CALN1: variants seen among roughly 807,000 people sequenced by gnomAD.
CALN1 encodes calneuron 1.
A neutral mutation model predicts 30.6 loss-of-function variants in CALN1; 17 were observed. The observed-to-expected ratio is 0.56, with a 90% confidence interval of 0.38 to 0.83. The LOEUF is 0.83. Ranked by LOEUF, CALN1 falls within the 40% of genes least tolerant of loss-of-function variation. CALN1 has a pLI of 0.00. For missense variants in CALN1, 291 were observed against 354.9 expected, an observed-to-expected ratio of 0.82 and a Z score of 1.45; for synonymous variants, 156 against 131.4, an observed-to-expected ratio of 1.19 and a Z score of -1.28.
chr7:72,212,407 G>A (rs1792479777), intron 3 of CALN1, among the ~76,000 whole-genome samples: 1 of 151,130 alleles, frequency 6.6e-6, no homozygotes, highest in Admixed American at 6.6e-5. Context: ...GATATGACAT[G>A]GAAGAACTGA....
chr7:71,996,284 A>T (rs986139570), intron 5 of CALN1, among the ~76,000 whole-genome samples: 4 of 152,244 alleles, frequency 2.6e-5, no homozygotes, highest in African/African-American at 9.6e-5. Context: ...AAAATCACTC[A>T]TCACATCAAG....
At chr7:72,292,724 G>A (rs1482811133) in intron 2 of CALN1, among the ~76,000 whole-genome samples, 4 of 147,016 alleles carry the variant, frequency 2.7e-5, no homozygotes, top group African/African-American at 1.0e-4. Flanking sequence ...GGGAGGCTGA[G>A]GCAGGAGAAT....
chr7:72,291,264 T>C (rs1025892631), intron 2 of CALN1, among the ~76,000 whole-genome samples: 2 of 152,214 alleles, frequency 1.3e-5, no homozygotes, highest in Non-Finnish European at 2.9e-5. Context: ...TTCTTCAGAA[T>C]GTCATTTTAT....
At chr7:72,209,462 T>C (rs978277178) in intron 3 of CALN1, among the ~76,000 whole-genome samples, 1 of 144,614 alleles carries the variant, frequency 6.9e-6, no homozygotes, top group Non-Finnish European at 1.5e-5. Flanking sequence ...ACATCCTTTC[T>C]TCCTCCCTTC....
intron 3 of CALN1, among the ~76,000 whole-genome samples, chr7:72,139,491 T>C (rs994406679): frequency 6.9e-6 from 1 of 145,320 alleles, no homozygotes; most frequent in Non-Finnish European, 1.5e-5. Flanking sequence ...ACCCCTCTTC[T>C]ACCCACCTCA....
intron 1 of CALN1, among the ~76,000 whole-genome samples, chr7:72,418,576 CAT>C (rs1361472496): frequency 6.6e-6 from 1 of 152,154 alleles, no homozygotes; most frequent in Admixed American, 6.5e-5. Context: ...GTACCTCAGC[CAT>C]ATATTCACCA....
intron 3 of CALN1, among the ~76,000 whole-genome samples, chr7:72,114,626 A>G (rs933128220): frequency 2.0e-5 from 3 of 152,182 alleles, no homozygotes; most frequent in African/African-American, 7.2e-5. Flanking sequence ...AATAATGATC[A>G]ACTGACTTCA....
At chr7:72,082,859 G>A (rs1351959231) in intron 4 of CALN1, among the ~76,000 whole-genome samples, 1 of 152,102 alleles carries the variant, frequency 6.6e-6, no homozygotes. Context: ...AGACTTGCAG[G>A]GTTTTCTTAC....
In CALN1 at chr7:72,350,487, G is replaced by T. The variant is rs149127143; in HGVS notation, c.119+52764C>A. On this transcript the variant is annotated intron_variant, in intron 2 of 6. Coordinates refer to ENST00000395275, the MANE Select transcript of CALN1 (RefSeq NM_031468.4). Reference sequence around the variant, plus strand: ...GAGATCATGTCTTTTGCACAACAGGGATAGAGCTGGAGGCCATTATCCTAA... The same window carrying T: ...GAGATCATGTCTTTTGCACAACAGGTATAGAGCTGGAGGCCATTATCCTAA... 1.5e-4 allele frequency among the ~76,000 whole-genome samples: 23 copies of T among 152,286 alleles called. 1 individual carries two copies. Among genetic ancestry groups the T allele is most frequent in the Admixed American group, 1.5e-3 (23 of 15,304 alleles).
At chr7:72,498,502 C>T in the CALN1 span, among the ~76,000 whole-genome samples, 1 of 151,754 alleles carries the variant, frequency 6.6e-6, no homozygotes, top group Non-Finnish European at 1.5e-5. Context: ...ATAAATGGAG[C>T]CTGGAAGACA....
At chr7:72,219,241 A>G (rs1027512650) in intron 3 of CALN1, among the ~76,000 whole-genome samples, 2 of 151,986 alleles carry the variant, frequency 1.3e-5, no homozygotes, top group African/African-American at 4.8e-5. Context: ...TCATTTTCTT[A>G]AGAGACAAGG....
chr7:71,971,953 A>AAAAAAGAAAG (rs1797839188), intron 5 of CALN1, among the ~76,000 whole-genome samples: 7 of 72,834 alleles, frequency 9.6e-5, no homozygotes, highest in Non-Finnish European at 1.6e-4. Context: ...AAAAAAAAAA[A>AAAAAAGAAAG]AAAGAAAGAA....
chr7:72,268,793 C>CCACACACACACACACACACA (rs3032247), intron 3 of CALN1, among the ~76,000 whole-genome samples: 4 of 145,832 alleles, frequency 2.7e-5, no homozygotes, highest in African/African-American at 7.7e-5. Flanking sequence ...CAAGACCCTG[C>CCACACACACACACACACACA]CACACACACA....
chr7:72,323,664 A>AC (rs1473538942), intron 2 of CALN1, among the ~76,000 whole-genome samples: 1 of 150,240 alleles, frequency 6.7e-6, no homozygotes, highest in African/African-American at 2.5e-5. Context: ...TCCATCTCAA[A>AC]AAAAAAAAAA....
At chr7:72,179,930 T>C (rs1008440333) in intron 3 of CALN1, among the ~76,000 whole-genome samples, 1 of 152,186 alleles carries the variant, frequency 6.6e-6, no homozygotes, top group African/African-American at 2.4e-5. Flanking sequence ...ATTAAAAATA[T>C]CTCATCTGAT....
At position 72,063,219 on chromosome 7, in the gene CALN1, C is replaced by T. The variant is rs114099993; in HGVS notation, c.389-39450G>A. Reference sequence around the variant, plus strand: ...GTGTTAAAATTCACAGAACGGTACACCCTCAAATGTCAATTGTATGTTAAT... The same window carrying T: ...GTGTTAAAATTCACAGAACGGTACATCCTCAAATGTCAATTGTATGTTAAT... On this transcript the variant is annotated intron_variant, in intron 4 of 6. Coordinates refer to ENST00000395275, the MANE Select transcript of CALN1 (RefSeq NM_031468.4). Among the ~76,000 whole-genome samples, 469 of 152,200 alleles carry T rather than the reference C, an allele frequency of 3.1e-3. 2 individuals carry two copies. The highest frequency in any genetic ancestry group is 9.9e-3 in the African/African-American group (410 of 41,534).
intron 1 of CALN1, among the ~76,000 whole-genome samples, chr7:72,406,529 A>T (rs1465195957): frequency 6.6e-6 from 1 of 152,088 alleles, no homozygotes; most frequent in African/African-American, 2.4e-5. Flanking sequence ...CTGAAAGGTC[A>T]GCCGGAAGGA....
chr7:72,140,942 G>A (rs1809887668), intron 3 of CALN1, among the ~76,000 whole-genome samples: 1 of 152,230 alleles, frequency 6.6e-6, no homozygotes, highest in African/African-American at 2.4e-5. Context: ...GGAGGAGGAA[G>A]ACAGCCCCAT....
the CALN1 span, among the ~76,000 whole-genome samples, chr7:72,482,971 G>A: frequency 2.0e-5 from 3 of 152,026 alleles, no homozygotes; most frequent in Admixed American, 2.0e-4. Context: ...AGATATCCTT[G>A]CTGAACGTTG....
Sources: allele counts gnomAD v4.1 joint callset (sites outside exome capture counted in the v4.1 genomes callset), GRCh38; gene constraint gnomAD v4.1.1; transcripts MANE v1.5; gene names NCBI Gene and HGNC (gene_info 2026-07-23, HGNC 2026-07-21).